The following STK32C variants were observed in gnomAD, a reference collection of about 807,000 sequenced individuals.
The protein encoded by STK32C is serine/threonine kinase 32C, also known as serine/threonine-protein kinase 32C.
In STK32C, 31 loss-of-function variants were observed where a neutral mutation model predicts 56.5. That is an observed-to-expected ratio of 0.55 (90% CI 0.41 to 0.74). STK32C has a LOEUF of 0.74. Among genes scored for constraint, STK32C ranks in the 30% least tolerant of loss-of-function variants. The pLI is 0.00. For synonymous variants in STK32C, 309 were observed against 289.4 expected (o/e 1.07, Z -0.69); for missense variants, 544 against 676.9 (o/e 0.80, Z 2.18).
intron 10 of STK32C, among the ~76,000 whole-genome samples, chr10:132,211,477 G>A (rs1487058490): frequency 6.6e-6 from 1 of 152,226 alleles, no homozygotes; most frequent in Non-Finnish European, 1.5e-5. Context: ...AGCTGCTCCA[G>A]AACCATCTGG....
At chr10:132,270,336 C>G (rs2064774394) in intron 1 of STK32C, among the ~76,000 whole-genome samples, 1 of 152,256 alleles carries the variant, frequency 6.6e-6, no homozygotes, top group Admixed American at 6.5e-5. Flanking sequence ...TGCAGGGAGA[C>G]ACTGCTACCA....
In STK32C at chr10:132,331,627, C is replaced by G. The variant is rs757898090; in HGVS notation, c.110G>C (p.Arg37Pro). 5.0e-6 allele frequency: 8 copies of G among 1,612,778 alleles called. No homozygotes were observed. In the Admixed American group the frequency reaches 8.3e-5, roughly 17 times the overall value. ...TGAGCCCAGCGGGAAGGACAGGCAG[C>G]GAGGACCGCTCCAAAGGTGGTGCCT... Residue 37 changes from arginine to proline, a missense_variant, in exon 1 of 2, where the codon CGC becomes CCC. Transcript: ENST00000368619.
intron 1 of STK32C, among the ~76,000 whole-genome samples, chr10:132,297,285 C>T (rs541214715): frequency 9.8e-5 from 15 of 152,356 alleles, no homozygotes; most frequent in African/African-American, 3.6e-4. Context: ...TCCAGGGCAG[C>T]CAGTCCTCGC....
intron 1 of STK32C, among the ~76,000 whole-genome samples, chr10:132,253,804 C>T (rs1219495128): frequency 2.0e-5 from 3 of 152,360 alleles, no homozygotes; most frequent in South Asian, 2.1e-4. Context: ...AAGGCAAAAG[C>T]GTTAGGTAAC....
intron 10 of STK32C, among the ~76,000 whole-genome samples, chr10:132,220,984 G>C (rs138878690): frequency 6.6e-6 from 1 of 152,224 alleles, no homozygotes; most frequent in South Asian, 2.1e-4. Context: ...AGTAGTTCAC[G>C]CACAGCCGGC....
chr10:132,264,928 A>G (rs974429488), intron 1 of STK32C, among the ~76,000 whole-genome samples: 1 of 152,260 alleles, frequency 6.6e-6, no homozygotes, highest in African/African-American at 2.4e-5. Context: ...TAAATTCACA[A>G]AAGTTCAAGC....
At chr10:132,278,442 G>C (rs2065050959) in intron 1 of STK32C, among the ~76,000 whole-genome samples, 1 of 149,288 alleles carries the variant, frequency 6.7e-6, no homozygotes, top group Non-Finnish European at 1.5e-5. Context: ...CTTCTGCATA[G>C]ATAACAATAA....
At position 132,307,686 on chromosome 10, in the gene STK32C, C is replaced by T; in HGVS notation, c.148G>A (p.Asp50Asn). 1 of 1,510,160 alleles carries T rather than the reference C, an allele frequency of 6.6e-7. No homozygotes were observed. The highest frequency in any genetic ancestry group is 2.8e-5 in the East Asian group (1 of 35,764). The allele number at this position is 1,510,160 out of a possible 1,614,324, so 93.5% of individuals were successfully genotyped here. Reference protein sequence around the residue: ...AGQPRARDSGDVRSQPRPLFQ... With the variant: ...AGQPRARDSGNVRSQPRPLFQ... ...AGGGGGCGCGGCTGCGAGCGGACAT[C>T]GCCCGAGTCCCGGGCCCGGGGCTGG... is the stretch of plus-strand genomic sequence containing the variant. The change falls in exon 1 of 12, where the codon GAT (aspartate) becomes AAT (asparagine). Residue 50 changes from aspartate (D) to asparagine (N), a missense_variant. Physicochemically the swap from Asp to Asn is conservative, Grantham distance 23. Around this residue, in one of 3 missense-constraint regions of STK32C, gnomAD observed 182 missense variants for 217.7 expected, o/e 0.84. Coordinates refer to ENST00000298630, the MANE Select transcript of STK32C (RefSeq NM_173575.4). The surrounding 1 kb of genome is among the most constrained non-coding windows in gnomAD (Gnocchi z 4.4).
chr10:132,244,282 G>A (rs1028617575), intron 2 of STK32C, among the ~76,000 whole-genome samples: 6 of 152,180 alleles, frequency 3.9e-5, no homozygotes, highest in African/African-American at 1.4e-4. Flanking sequence ...CCAGCAGCTC[G>A]CTCCTGTTCC....
intron 1 of STK32C, among the ~76,000 whole-genome samples, chr10:132,257,657 T>A (rs1213823070): frequency 7.9e-6 from 1 of 126,162 alleles, no homozygotes; most frequent in Non-Finnish European, 1.7e-5. Context: ...TCTCTCTGCC[T>A]CTGTCCCCAG....
At chr10:132,297,982 G>A (rs1025137683) in intron 1 of STK32C, among the ~76,000 whole-genome samples, 3 of 152,258 alleles carry the variant, frequency 2.0e-5, no homozygotes, top group Admixed American at 1.3e-4. Context: ...CTCTGCGGCA[G>A]CAACCCGGGT....
chr10:132,230,815 C>A (rs1222171951), intron 2 of STK32C, among the ~76,000 whole-genome samples: 1 of 152,108 alleles, frequency 6.6e-6, no homozygotes, highest in East Asian at 1.9e-4. Flanking sequence ...CCTGCCCAGG[C>A]GACCCAACCC....
At chr10:132,280,132 T>G (rs1289273050) in intron 1 of STK32C, among the ~76,000 whole-genome samples, 5 of 115,148 alleles carry the variant, frequency 4.3e-5, no homozygotes, top group Non-Finnish European at 8.8e-5. Context: ...GCCTCCACTC[T>G]GTGATCACGC....
At position 132,225,213 on chromosome 10, in the gene STK32C, G is replaced by C; in HGVS notation, c.876+20C>G. 2.5e-6 allele frequency: 4 copies of C among 1,577,940 alleles called. No individual in the cohort carries two copies. The highest frequency in any genetic ancestry group is 2.6e-6 in the Non-Finnish European group (3 of 1,159,584). On this transcript the variant is annotated intron_variant, in intron 7 of 11. Coordinates refer to ENST00000298630, the MANE Select transcript of STK32C (RefSeq NM_173575.4). Reference sequence around the variant, plus strand: ...GCAGGGGCCTGGCAGCCAAGCCCAGGGGCTGCAGGGGGTCCATACCCATCC... The same window carrying C: ...GCAGGGGCCTGGCAGCCAAGCCCAGCGGCTGCAGGGGGTCCATACCCATCC...
chr10:132,297,444 G>A (rs891910220), intron 1 of STK32C, among the ~76,000 whole-genome samples: 16 of 152,298 alleles, frequency 1.1e-4, no homozygotes, highest in Admixed American at 6.5e-4. Context: ...CGCCAGCCCC[G>A]GTACTAGCTG....
At chr10:132,245,475 G>C (rs903282309) in intron 2 of STK32C, among the ~76,000 whole-genome samples, 1 of 152,266 alleles carries the variant, frequency 6.6e-6, no homozygotes, top group Non-Finnish European at 1.5e-5. Flanking sequence ...GGCCTATCTG[G>C]AGGACAGCAG....
In STK32C at chr10:132,292,428, TCA is replaced by T. The variant is rs370205304; in HGVS notation, c.262+15142_262+15143del. 2.0e-3 allele frequency among the ~76,000 whole-genome samples: 304 copies of T among 152,262 alleles called. 6 individuals carry two copies. In the South Asian group the frequency reaches 0.02, roughly 10 times the overall value. On this transcript the variant is annotated intron_variant, in intron 1 of 11. Coordinates refer to ENST00000298630, the MANE Select transcript of STK32C (RefSeq NM_173575.4). ...CACCCAGTCACACACTCATCCACAC[TCA>T]GTCTGACGGATTCATCCACACACTC...
At chr10:132,302,392 C>T (rs1294070732) in intron 1 of STK32C, among the ~76,000 whole-genome samples, 6 of 152,230 alleles carry the variant, frequency 3.9e-5, no homozygotes, top group Non-Finnish European at 8.8e-5. Flanking sequence ...CATTCTAGAG[C>T]AGCCTCACAG....
intron 1 of STK32C, among the ~76,000 whole-genome samples, chr10:132,262,642 G>C (rs1300138374): frequency 6.6e-6 from 1 of 151,802 alleles, no homozygotes; most frequent in Non-Finnish European, 1.5e-5. Flanking sequence ...GCTGGGCACA[G>C]TGGCTCACGC....
Sources: allele counts gnomAD v4.1 joint callset (sites outside exome capture counted in the v4.1 genomes callset), GRCh38; gene constraint gnomAD v4.1.1; regional missense constraint gnomAD v4.1.1; non-coding constraint Gnocchi (gnomAD v3.1); transcripts MANE v1.5; gene names NCBI Gene and HGNC (gene_info 2026-07-23, HGNC 2026-07-21).